LARS2: variants seen among roughly 807,000 people sequenced by gnomAD.
LARS2 encodes leucine--tRNA ligase, mitochondrial.
A neutral mutation model predicts 116.6 loss-of-function variants in LARS2; 81 were observed. The ratio of observed to expected loss-of-function variants is 0.69; its 90% confidence interval spans 0.58 to 0.84. The LOEUF is 0.84. LARS2 is among the 40% of genes least tolerant of loss of function. The pLI, the probability that LARS2 is intolerant of heterozygous loss-of-function variation, is 0.00. For missense variants in LARS2, 968 were observed against 1,114.5 expected (o/e 0.87, Z 1.87); for synonymous variants, 396 against 407.2 (o/e 0.97, Z 0.33).
intron 19 of LARS2, among the ~76,000 whole-genome samples, chr3:45,522,133 T>G (rs1362232372): frequency 6.6e-6 from 1 of 152,078 alleles, no homozygotes; most frequent in East Asian, 1.9e-4. Flanking sequence ...GCATAATTAT[T>G]CCCCATGCTA....
intron 6 of LARS2, among the ~76,000 whole-genome samples, chr3:45,441,124 A>G (rs1698902187): frequency 6.7e-6 from 1 of 150,122 alleles, no homozygotes; most frequent in Non-Finnish European, 1.5e-5. Flanking sequence ...CTCCAGGTTC[A>G]AGCAATTCTC....
rs922985030 is a variant in LARS2 at position 45,542,095 on chromosome 3, G to T, written c.2532+139G>T. 4.6e-6 allele frequency: 5 copies of T among 1,082,556 alleles called. No homozygotes were observed. In the African/African-American group the frequency reaches 4.7e-5, roughly 10 times the overall value. 67.1% of individuals were successfully genotyped at this position (1,082,556 alleles called of 1,614,324 possible). A position where few individuals can be genotyped will look rare whatever the true frequency, so the allele number is the denominator to read the frequency against. ...CAGCCCTCAGCCACACCTTGTGACC[G>T]GAAGGCACAAAGGCCTGTCTTTCCT... On this transcript the variant is annotated intron_variant, in intron 21 of 21. Transcript: ENST00000645846.
At position 45,541,819 on chromosome 3, in the gene LARS2, G is replaced by A. The variant is rs868584216; in HGVS notation, c.2405-10G>A. 7 of 1,613,924 alleles carry A rather than the reference G, an allele frequency of 4.3e-6. No individual in the cohort carries two copies. Among genetic ancestry groups the A allele is most frequent in the East Asian group, 2.2e-5 (1 of 44,866 alleles). On this transcript the variant is annotated splice_polypyrimidine_tract_variant and intron_variant, in intron 20 of 21. Coordinates refer to ENST00000645846, the MANE Select transcript of LARS2 (RefSeq NM_015340.4). Reference sequence around the variant, plus strand: ...GAGTGACCCCACGCTTCTGTGCCTCGGCATTGCAGGCCTGGCGCTGGTGCC... The same window carrying A: ...GAGTGACCCCACGCTTCTGTGCCTCAGCATTGCAGGCCTGGCGCTGGTGCC...
intron 12 of LARS2, among the ~76,000 whole-genome samples, chr3:45,490,849 G>A (rs1699902839): frequency 6.6e-6 from 1 of 152,190 alleles, no homozygotes; most frequent in African/African-American, 2.4e-5. Flanking sequence ...AGCACCAAGT[G>A]AAAAGATAAT....
Position 45,545,888 on chromosome 3 carries a change from G to C in LARS2, c.2533-1463G>C, listed in dbSNP as rs577920110. 2.6e-5 allele frequency among the ~76,000 whole-genome samples: 4 copies of C among 152,108 alleles called. No homozygotes were observed. In the South Asian group the frequency reaches 8.3e-4, roughly 32 times the overall value. On this transcript the variant is annotated intron_variant, in intron 21 of 21. Coordinates refer to ENST00000645846, the MANE Select transcript of LARS2 (RefSeq NM_015340.4). ...CCAGCACTCTTGACAAAGGCAGAGG[G>C]AGTGCAGCTTAGTGAGCTGGTCCCT...
intron 4 of LARS2, among the ~76,000 whole-genome samples, chr3:45,401,617 G>C (rs1265136177): frequency 5.3e-5 from 8 of 152,166 alleles, no homozygotes; most frequent in African/African-American, 1.9e-4. Context: ...CCCCCCGCCT[G>C]CTTTTTAAAA....
chr3:45,451,165 G>T (rs1481035326), intron 7 of LARS2, among the ~76,000 whole-genome samples: 1 of 151,832 alleles, frequency 6.6e-6, no homozygotes, highest in East Asian at 1.9e-4. Flanking sequence ...TCTTTACTCT[G>T]TTCATTGTTT....
chr3:45,516,249 G>C lies in LARS2; in HGVS notation c.2017G>C (p.Glu673Gln). ...RLYILFAAPP[E>Q]KDILWDVKTD... ...CTACATCCTTTTTGCTGCCCCTCCT[G>C]AGAAGGATATCTTGTGGGATGTGAA... Residue 673 changes from glutamate to glutamine, a missense_variant, in exon 17 of 22, where the codon GAG (glutamate) becomes CAG (glutamine). By Grantham distance (29) the Glu-to-Gln change is conservative. Transcript: ENST00000645846. The C allele has an allele frequency of 1.2e-6, 2 of 1,613,866 alleles. No individual in the cohort carries two copies. Among genetic ancestry groups the C allele is most frequent in the Non-Finnish European group, 1.7e-6 (2 of 1,179,940 alleles).
At chr3:45,515,205 G>A (rs186777792) in intron 16 of LARS2, among the ~76,000 whole-genome samples, 152 of 152,210 alleles carry the variant, frequency 1.0e-3, no homozygotes, top group African/African-American at 3.5e-3. Context: ...CAGCTCTCTC[G>A]TTCTTAGTTC....
At chr3:45,445,657 C>T (rs1699006157) in intron 6 of LARS2, among the ~76,000 whole-genome samples, 1 of 152,136 alleles carries the variant, frequency 6.6e-6, no homozygotes, top group Non-Finnish European at 1.5e-5. Flanking sequence ...GAAGGTAGAG[C>T]CAATAGTCAG....
intron 7 of LARS2, among the ~76,000 whole-genome samples, chr3:45,455,355 G>A (rs1431899045): frequency 1.3e-5 from 2 of 151,252 alleles, no homozygotes; most frequent in South Asian, 4.2e-4. Flanking sequence ...AGACAGAGGT[G>A]GAGGGATATA....
intron 20 of LARS2, among the ~76,000 whole-genome samples, chr3:45,524,596 G>A (rs1448108740): frequency 6.6e-6 from 1 of 152,170 alleles, no homozygotes; most frequent in Non-Finnish European, 1.5e-5. Flanking sequence ...GGGACTGTTA[G>A]CCTGGACAAA....
chr3:45,437,940 T>G (rs894738121), intron 6 of LARS2, among the ~76,000 whole-genome samples: 1 of 151,768 alleles, frequency 6.6e-6, no homozygotes, highest in South Asian at 2.1e-4. Context: ...AAGAAAATAA[T>G]GTAGTGTATT....
chr3:45,398,578 C>G (rs1188965033), intron 3 of LARS2, among the ~76,000 whole-genome samples: 2 of 152,188 alleles, frequency 1.3e-5, no homozygotes, highest in Non-Finnish European at 2.9e-5. Context: ...GAAACAGAAT[C>G]AGTTACCCAG....
chr3:45,516,790 A>G lies in LARS2; in HGVS notation c.2044+514A>G, dbSNP rs558293686. ...GAGGGGTCTGGGCCTGTTGTTACCT[A>G]TGGCCTCTTAGTCACCCACAGCACC... On this transcript the variant is annotated intron_variant, in intron 17 of 21. Transcript: ENST00000645846. Among the ~76,000 whole-genome samples the G allele has an allele frequency of 1.3e-3, 191 of 152,280 alleles. 1 individual carries two copies. The highest frequency in any genetic ancestry group is 3.4e-3 in the Middle Eastern group (1 of 294).
At chr3:45,488,201 A>G (rs958425498) in intron 11 of LARS2, among the ~76,000 whole-genome samples, 1 of 152,170 alleles carries the variant, frequency 6.6e-6, no homozygotes, top group African/African-American at 2.4e-5. Context: ...TGGGAGGGTG[A>G]GGTGGGCGAT....
chr3:45,390,971 G>GT (rs1697936616), intron 1 of LARS2, among the ~76,000 whole-genome samples: 1 of 152,112 alleles, frequency 6.6e-6, no homozygotes, highest in Admixed American at 6.5e-5. Context: ...GATTTTTAGT[G>GT]TTTCTTTTCA....
At chr3:45,543,474 T>TTTA (rs772732506) in intron 21 of LARS2, among the ~76,000 whole-genome samples, 5,369 of 150,290 alleles carry the variant, frequency 0.036, 103 homozygotes, top group Middle Eastern at 0.072. Context: ...TTTTTTTATT[T>TTTA]TTTTTTTTGG....
intron 20 of LARS2, among the ~76,000 whole-genome samples, chr3:45,525,362 C>T (rs1022856215): frequency 2.6e-5 from 4 of 152,154 alleles, no homozygotes; most frequent in Admixed American, 2.0e-4. Context: ...TTGAAGTTCA[C>T]GTAGTGGGAG....
Sources: gnomAD v4.1 joint callset for allele counts (sites outside exome capture counted in the v4.1 genomes callset) on GRCh38, gnomAD v4.1.1 for gene constraint, MANE v1.5 for transcripts, NCBI Gene and HGNC (gene_info 2026-07-23, HGNC 2026-07-21) for gene names.